The following UBXN6 variants were observed in gnomAD, a reference collection of about 807,000 sequenced individuals.
The protein encoded by UBXN6 is UBX domain-containing protein 6.
Under a neutral mutation model 51.4 loss-of-function variants are expected in UBXN6, and 44 were observed. That is an observed-to-expected ratio of 0.86 (90% confidence interval 0.67 to 1.10). The LOEUF (loss-of-function observed/expected upper bound fraction) is 1.10, where lower values mean the gene tolerates loss of function less well. UBXN6 is among the 50% of genes least tolerant of loss of function. The pLI, the probability that UBXN6 is intolerant of heterozygous loss-of-function variation, is 0.00. For missense variants in UBXN6, 672 were observed against 596.1 expected (o/e 1.13, Z -1.32); for synonymous variants, 316 against 263.2 (o/e 1.20, Z -1.94).
intron 5 of UBXN6, 129 bp downstream of exon 5, chr19:4,448,189 C>G (rs970947085): frequency 4.9e-6 from 4 of 823,776 alleles, no homozygotes; most frequent in African/African-American, 1.7e-5. Context: ...CTGCCTCACT[C>G]TCGGCCTATG....
In UBXN6 at chr19:4,446,373, C is replaced by T; in HGVS notation, c.961G>A (p.Ala321Thr). Residue 321 changes from alanine to threonine, a missense_variant, in exon 9 of 11, where the codon GCC becomes ACC. Physicochemically the swap from Ala to Thr is moderately conservative, Grantham distance 58. Coordinates refer to ENST00000301281, the MANE Select transcript of UBXN6 (RefSeq NM_025241.3). ...CGCTGCTCCTCCTTCTCCCGCATGG[C>T]CTTGGTCCGCAGCACGCTCAGCCGC... ...VERLSVLRTKAMREKEEQRGL... is the reference protein window; with the variant it reads ...VERLSVLRTKTMREKEEQRGL... 2 of 1,575,800 alleles carry T rather than the reference C, an allele frequency of 1.3e-6. No individual in the cohort carries two copies. Among genetic ancestry groups the T allele is most frequent in the Non-Finnish European group, 1.7e-6 (2 of 1,167,730 alleles).
intron 1 of UBXN6, among the ~76,000 whole-genome samples, chr19:4,457,073 C>A (rs1974748896): frequency 6.6e-6 from 1 of 152,240 alleles, no homozygotes; most frequent in East Asian, 1.9e-4. Flanking sequence ...CTCTTCACCA[C>A]CCCACCCCAC....
In UBXN6 at chr19:4,446,384, A is replaced by G. The variant is rs756313078; in HGVS notation, c.950T>C (p.Leu317Pro). The change falls in exon 9 of 11, where the codon CTG becomes CCG. Residue 317 changes from leucine (L) to proline (P), a missense_variant. Physicochemically the swap from Leu to Pro is moderately conservative, Grantham distance 98. Transcript: ENST00000301281. ...CTTCTCCCGCATGGCCTTGGTCCGC[A>G]GCACGCTCAGCCGCTCCACCGCCTC... is the stretch of plus-strand genomic sequence containing the variant. ...RSEAVERLSV[L>P]RTKAMREKEE... is the part of the protein sequence containing the mutation. 3 of 1,577,184 alleles carry G rather than the reference A, an allele frequency of 1.9e-6. No individual in the cohort carries two copies. Among genetic ancestry groups the G allele is most frequent in the Non-Finnish European group, 8.6e-7 (1 of 1,168,582 alleles).
intron 5 of UBXN6, 98 bp from the exon 6 acceptor site, chr19:4,447,723 G>A: frequency 7.8e-7 from 1 of 1,274,784 alleles, no homozygotes; most frequent in Middle Eastern, 1.9e-4. Context: ...AGCCACACTT[G>A]GCCTCTAGTC....
At position 4,446,144 on chromosome 19, in the gene UBXN6, C is replaced by T. The variant is rs747763788; in HGVS notation, c.1105G>A (p.Ala369Thr). Residue 369 changes from alanine to threonine, a missense_variant, in exon 10 of 11, where the codon GCC becomes ACC. Physicochemically the swap from Ala to Thr is moderately conservative, Grantham distance 58. Transcript: ENST00000301281. ...AAAGGCAGCCAGTCGCTCTGCAGGG[C>T]CTCCCGGACGAACCCGTACACCGCC... ...LGAVYGFVRE[A>T]LQSDWLPFEL... The T allele has an allele frequency of 2.7e-5, 43 of 1,611,586 alleles. No homozygotes were observed. Among genetic ancestry groups the T allele is most frequent in the Middle Eastern group, 3.3e-4 (2 of 6,082 alleles).
chr19:4,453,604 G>T (rs893007596), intron 2 of UBXN6, 82 bp from the exon 3 acceptor site: 9 of 1,531,122 alleles, frequency 5.9e-6, no homozygotes, highest in Non-Finnish European at 8.9e-7. Context: ...TCATTCCCGG[G>T]GTGGGCCTGG....
rs1313113190 is a variant in UBXN6 at position 4,452,557 on chromosome 19, CCA to C, written c.313-67_313-66del. ...AGGCCACCCCGACCCTCGCCGAGCA[CCA>C]CAGTCCTGAGTGTGGCCCGTAGAAC... On this transcript the variant is annotated intron_variant, in intron 3 of 10. Transcript: ENST00000301281. 7.1e-6 allele frequency: 11 copies of C among 1,546,658 alleles called. No homozygotes were observed. The African/African-American group carries it at 1.1e-4, about 15-fold the overall frequency.
At position 4,448,820 on chromosome 19, in the gene UBXN6, A is replaced by C. The variant is rs1974596613; in HGVS notation, c.442-405T>G. ...CCATCCCTCCTGCTCTCGCAGCCCC[A>C]TGATGGACGTTCTGGAACCACTCCC... On this transcript the variant is annotated intron_variant, in intron 4 of 10. Coordinates refer to ENST00000301281, the MANE Select transcript of UBXN6 (RefSeq NM_025241.3). 4.7e-5 allele frequency: 10 copies of C among 214,584 alleles called. No individual in the cohort carries two copies. In the South Asian group the frequency reaches 6.7e-4, roughly 14 times the overall value. 13.3% of individuals were successfully genotyped at this position (214,584 alleles called of 1,614,324 possible). A position where few individuals can be genotyped will look rare whatever the true frequency, so the allele number is the denominator to read the frequency against.
chr19:4,447,628 G>C lies in UBXN6; in HGVS notation c.540-3C>G, dbSNP rs756273898. On this transcript the variant is annotated splice_polypyrimidine_tract_variant and splice_region_variant and intron_variant, in intron 5 of 10. Coordinates refer to ENST00000301281, the MANE Select transcript of UBXN6 (RefSeq NM_025241.3). The stretch of plus-strand genomic sequence containing the variant: ...GCAGGTGGATGTTGTCCAGGTACCT[G>C]GGGTAGGTGGAGAAGGTGAGTGGGG... 1.9e-6 allele frequency: 3 copies of C among 1,613,876 alleles called. No homozygotes were observed. The highest frequency in any genetic ancestry group is 2.2e-5 in the South Asian group (2 of 91,076).
At position 4,445,534 on chromosome 19, in the gene UBXN6, T is replaced by C; in HGVS notation, c.1290A>G (p.Lys430=). 1.2e-6 allele frequency: 2 copies of C among 1,613,730 alleles called. No individual in the cohort carries two copies. The highest frequency in any genetic ancestry group is 1.7e-6 in the Non-Finnish European group (2 of 1,179,954). The stretch of plus-strand genomic sequence containing the variant: ...TCTCGATGGCTGACAGGAGCTCGGG[T>C]TTCAGGATGGAGTCCGGCTCGGCCC... ...AAGAEPDSIL[K]PELLSAIEKL... is the part of the protein sequence containing the mutation. The change falls in exon 11 of 11, where the codon AAA becomes AAG. Residue 430 remains lysine, a synonymous_variant. Coordinates refer to ENST00000301281, the MANE Select transcript of UBXN6 (RefSeq NM_025241.3).
At chr19:4,453,232 C>G (rs243396) in intron 3 of UBXN6, among the ~76,000 whole-genome samples, 1 of 152,176 alleles carries the variant, frequency 6.6e-6, no homozygotes, top group East Asian at 1.9e-4. Context: ...GCGATGGGCT[C>G]GTGTACCTGA....
chr19:4,445,314 C>A lies in UBXN6; in HGVS notation c.*184G>T. 1 of 1,020,180 alleles carries A rather than the reference C, an allele frequency of 9.8e-7. No homozygotes were observed. Among genetic ancestry groups the A allele is most frequent in the African/African-American group, 1.6e-5 (1 of 61,960 alleles). 63.2% of individuals were successfully genotyped at this position (1,020,180 alleles called of 1,614,324 possible). On this transcript the variant is annotated 3_prime_UTR_variant, in exon 11 of 11. Coordinates refer to ENST00000301281, the MANE Select transcript of UBXN6 (RefSeq NM_025241.3). ...GGGGGCTTGGGCGCATCCCCACAGC[C>A]CCCAAGGGATGGGGGCTCTGCCACG...
chr19:4,446,852 A>C lies in UBXN6; in HGVS notation c.684T>G (p.Leu228=). The C allele has an allele frequency of 6.2e-7, 1 of 1,614,002 alleles. No individual in the cohort carries two copies. The highest frequency in any genetic ancestry group is 8.5e-7 in the Non-Finnish European group (1 of 1,180,016). Residue 228 remains leucine (L), a synonymous_variant, in exon 7 of 11, where the codon CTT becomes CTG. Coordinates refer to ENST00000301281, the MANE Select transcript of UBXN6 (RefSeq NM_025241.3). ...FEAIGFQKVL[L]PAQDQEDPEE... ...TCCACTTACCCTGATCCTGGGCGGG[A>C]AGCAACACCTTCTGGAACCCAATGG...
At chr19:4,449,675 T>C (rs1327750656) in intron 4 of UBXN6, 1 of 152,172 alleles carries the variant, frequency 6.6e-6, no homozygotes, top group East Asian at 1.9e-4. Flanking sequence ...GCTGGGTACA[T>C]GCACAGACAA....
chr19:4,448,036 T>A, intron 5 of UBXN6: 1 of 531,266 alleles, frequency 1.9e-6, no homozygotes, highest in Non-Finnish European at 3.4e-6. Context: ...ACCCGGGGAG[T>A]GGGGTGGGAC....
At chr19:4,455,334 C>T in intron 1 of UBXN6, 4 of 980,014 alleles carry the variant, frequency 4.1e-6, no homozygotes, top group Non-Finnish European at 4.8e-6. Context: ...AGCCCTCCCT[C>T]CTCGTCCCAC....
Position 4,446,163 on chromosome 19 carries a change from CACCGCCCCCA to C in UBXN6, c.1076_1085del (p.Leu359ArgfsTer34). On this transcript the variant is annotated frameshift_variant, in exon 10 of 11. Coordinates refer to ENST00000301281, the MANE Select transcript of UBXN6 (RefSeq NM_025241.3). LOFTEE classifies it high-confidence loss of function. Reference sequence around the variant, plus strand: ...GCAGGGCCTCCCGGACGAACCCGTACACCGCCCCCAGCCGCTCCCGAGCGTAGAAAGTGCC... The same window carrying C: ...GCAGGGCCTCCCGGACGAACCCGTACGCCGCTCCCGAGCGTAGAAAGTGCC... The C allele has an allele frequency of 6.2e-7, 1 of 1,609,158 alleles. No homozygotes were observed. Among genetic ancestry groups the C allele is most frequent in the Admixed American group, 1.7e-5 (1 of 59,832 alleles).
rs1280674723 is a variant in UBXN6, at chr19:4,452,469, G to A, written c.336C>T (p.Gly112=). 2.5e-6 allele frequency: 4 copies of A among 1,611,470 alleles called. No individual in the cohort carries two copies. The highest frequency in any genetic ancestry group is 3.4e-6 in the Non-Finnish European group (4 of 1,179,818). ...CGCCAGGCACAGCCAGGTGGGCAGA[G>A]CCTTCCTCTCTGGGCTCAGATACCT... ...TNVVSEPREE[G]SAHLAVPGVY... The change falls in exon 4 of 11, where the codon GGC becomes GGT. Residue 112 remains glycine (G), a synonymous_variant. Coordinates refer to ENST00000301281, the MANE Select transcript of UBXN6 (RefSeq NM_025241.3).
chr19:4,454,214 T>A, intron 1 of UBXN6, 121 bp from the exon 2 acceptor site: 1 of 1,150,076 alleles, frequency 8.7e-7, no homozygotes, highest in Non-Finnish European at 1.2e-6. Context: ...TGTCCCTGCC[T>A]ATGTGGGCCA....
Sources: gnomAD v4.1 joint callset for allele counts (sites outside exome capture counted in the v4.1 genomes callset) on GRCh38, gnomAD v4.1.1 for gene constraint, MANE v1.5 for transcripts, NCBI Gene and HGNC (gene_info 2026-07-23, HGNC 2026-07-21) for gene names.